Variants in CCDC191 observed in about 807,000 individuals in gnomAD.
CCDC191 encodes the protein coiled-coil domain-containing protein 191.
Under a neutral mutation model 114.0 loss-of-function variants are expected in CCDC191, and 99 were observed. The ratio of observed to expected loss-of-function variants is 0.87; its 90% CI spans 0.74 to 1.03. The LOEUF is 1.03. Among genes scored for constraint, CCDC191 ranks in the 50% least tolerant of loss-of-function variants. The pLI is 0.00. For missense variants in CCDC191, 973 were observed against 1,087.0 expected (o/e 0.90, Z 1.47); for synonymous variants, 351 against 376.0 (o/e 0.93, Z 0.77).
At chr3:113,992,568 G>A (rs1467494797) in intron 13 of CCDC191, among the ~76,000 whole-genome samples, 2 of 152,006 alleles carry the variant, frequency 1.3e-5, no homozygotes, top group Admixed American at 6.6e-5. Context: ...ATTTAAACGG[G>A]GACTGTTGTG....
intron 5 of CCDC191, 101 bp downstream of exon 5, chr3:114,036,507 C>T: frequency 1.3e-6 from 1 of 760,252 alleles, no homozygotes; most frequent in Middle Eastern, 2.6e-4. Context: ...CAGATGGCAC[C>T]CTTTTTCATA....
At chr3:113,969,187 C>T (rs1426682859) in intron 16 of CCDC191, among the ~76,000 whole-genome samples, 2 of 152,218 alleles carry the variant, frequency 1.3e-5, no homozygotes, top group Non-Finnish European at 2.9e-5. Context: ...AAATACCTCC[C>T]ATTAGACTCC....
chr3:114,019,104 A>T (rs1296506978), intron 7 of CCDC191, among the ~76,000 whole-genome samples: 1 of 152,150 alleles, frequency 6.6e-6, no homozygotes, highest in Admixed American at 6.5e-5. Flanking sequence ...AAAATACTTC[A>T]TTGTCATTGT....
chr3:114,012,286 A>G (rs987797719), intron 8 of CCDC191, among the ~76,000 whole-genome samples: 2 of 152,206 alleles, frequency 1.3e-5, no homozygotes, highest in Non-Finnish European at 2.9e-5. Context: ...CAAGAGATAT[A>G]CTCTGATATT....
At chr3:114,021,575 T>C (rs1469319904) in intron 7 of CCDC191, among the ~76,000 whole-genome samples, 1 of 152,148 alleles carries the variant, frequency 6.6e-6, no homozygotes, top group Non-Finnish European at 1.5e-5. Context: ...GGGAAAGGAA[T>C]ATACTCAGTT....
intron 10 of CCDC191, among the ~76,000 whole-genome samples, chr3:114,004,965 C>T (rs905123823): frequency 2.6e-5 from 4 of 152,182 alleles, no homozygotes; most frequent in Admixed American, 1.3e-4. Context: ...TGACTCCCAT[C>T]CTAATGCTTC....
At chr3:114,051,745 G>A (rs1389793680) in intron 2 of CCDC191, among the ~76,000 whole-genome samples, 3 of 152,076 alleles carry the variant, frequency 2.0e-5, no homozygotes, top group Non-Finnish European at 2.9e-5. Flanking sequence ...ATTTTGAAAG[G>A]GTGGTCCACT....
intron 13 of CCDC191, among the ~76,000 whole-genome samples, chr3:113,986,443 C>CA (rs1452057078): frequency 6.6e-6 from 1 of 152,074 alleles, no homozygotes; most frequent in Non-Finnish European, 1.5e-5. Context: ...AAATCAGTAA[C>CA]AAAACACAAA....
intron 8 of CCDC191, among the ~76,000 whole-genome samples, chr3:114,013,418 G>A (rs2076106934): frequency 6.6e-6 from 1 of 152,066 alleles, no homozygotes; most frequent in African/African-American, 2.4e-5. Context: ...TTGCATATAA[G>A]CCAATTTCTA....
intron 16 of CCDC191, among the ~76,000 whole-genome samples, chr3:113,975,685 T>C (rs769701869): frequency 3.3e-5 from 5 of 152,092 alleles, no homozygotes; most frequent in Admixed American, 1.3e-4. Context: ...GTAGGGTGGT[T>C]AGGGAGGTGA....
intron 13 of CCDC191, among the ~76,000 whole-genome samples, chr3:113,994,183 G>T (rs1177328801): frequency 3.9e-5 from 6 of 152,158 alleles, no homozygotes; most frequent in Non-Finnish European, 8.8e-5. Context: ...CAGAATATAT[G>T]AAGAACTTTT....
At chr3:114,021,592 T>C (rs2076245113) in intron 7 of CCDC191, among the ~76,000 whole-genome samples, 1 of 152,122 alleles carries the variant, frequency 6.6e-6, no homozygotes, top group South Asian at 2.1e-4. Context: ...AGTTCCGTCT[T>C]CTCTGGAAAA....
At chr3:114,008,682 G>A (rs1311159695) in intron 9 of CCDC191, among the ~76,000 whole-genome samples, 1 of 151,876 alleles carries the variant, frequency 6.6e-6, no homozygotes, top group Non-Finnish European at 1.5e-5. Context: ...AAAAATGTTT[G>A]CAATATATAA....
rs543691175 is a variant in CCDC191 at position 114,046,687 on chromosome 3, T to TA, written c.174dup (p.Thr59TyrfsTer2). The TA allele has an allele frequency of 1.7e-4, 282 of 1,612,288 alleles. 3 individuals carry two copies. In the South Asian group the frequency reaches 1.9e-3, roughly 11 times the overall value. ...CTTCTAGGTAAATCTGAATTTCTAGTAAAAAATGCATTTGACACTGCAAAC... is the reference window on the plus strand; with the variant it reads ...CTTCTAGGTAAATCTGAATTTCTAGTAAAAAAATGCATTTGACACTGCAAAC... On this transcript the variant is annotated frameshift_variant, in exon 3 of 17. Transcript: ENST00000295878. LOFTEE classifies it high-confidence loss of function.
At chr3:114,027,015 G>C (rs1395887300) in intron 7 of CCDC191, among the ~76,000 whole-genome samples, 1 of 152,174 alleles carries the variant, frequency 6.6e-6, no homozygotes, top group African/African-American at 2.4e-5. Context: ...TTTCCAAATA[G>C]TATAAGAGTT....
At chr3:114,056,558 T>C, upstream of CCDC191, 2 of 1,606,030 alleles carry the variant, frequency 1.2e-6, no homozygotes, top group Middle Eastern at 1.7e-4. Flanking sequence ...TTGTAGTTCC[T>C]CCGCCCGCAA....
chr3:114,048,068 C>T (rs2076653968), intron 2 of CCDC191, among the ~76,000 whole-genome samples: 1 of 152,196 alleles, frequency 6.6e-6, no homozygotes, highest in South Asian at 2.1e-4. Context: ...TGTGTTTCTT[C>T]CAACTCAGAT....
intron 13 of CCDC191, among the ~76,000 whole-genome samples, chr3:113,985,513 G>GAAA (rs2075322954): frequency 6.6e-6 from 1 of 152,198 alleles, no homozygotes; most frequent in Non-Finnish European, 1.5e-5. Flanking sequence ...TACCACTGGA[G>GAAA]TGGGAACAGA....
chr3:114,036,199 A>G (rs2076480464), intron 5 of CCDC191, among the ~76,000 whole-genome samples: 1 of 152,184 alleles, frequency 6.6e-6, no homozygotes, highest in African/African-American at 2.4e-5. Context: ...TATAATAAAA[A>G]AATGAGTGAA....
Sources: gnomAD v4.1 joint callset for allele counts (sites outside exome capture counted in the v4.1 genomes callset) on GRCh38, gnomAD v4.1.1 for gene constraint, MANE v1.5 for transcripts, NCBI Gene and HGNC (gene_info 2026-07-23, HGNC 2026-07-21) for gene names.